Variants in HDAC6 observed in about 807,000 individuals in gnomAD.
HDAC6 encodes the protein histone deacetylase 6, also known as protein deacetylase HDAC6.
HDAC6 carries 5 observed loss-of-function variants against 88.9 expected under a neutral mutation model. That is an observed-to-expected ratio of 0.06 (90% CI 0.03 to 0.12). The LOEUF (loss-of-function observed/expected upper bound fraction) is 0.12. HDAC6 is among the 10% of genes least tolerant of loss of function. The probability of loss-of-function intolerance (pLI) is 1.00; values close to 1 mark genes in which losing one functional copy is unlikely to be tolerated. For missense variants in HDAC6, 706 were observed against 1,014.4 expected (o/e 0.70, Z 4.13); for synonymous variants, 378 against 398.0 (o/e 0.95, Z 0.60).
chrX:48,809,629 C>T (rs1286675543), intron 10 of HDAC6, among the ~76,000 whole-genome samples: 2 of 109,707 alleles, frequency 1.8e-5, no homozygotes, highest in African/African-American at 6.6e-5. Context: ...GGTGAAACCC[C>T]GTCTCTACAA....
intron 28 of HDAC6, 73 bp from the exon 29 acceptor site, chrX:48,824,471 G>C: frequency 9.3e-7 from 1 of 1,078,267 alleles, no homozygotes; most frequent in Non-Finnish European, 1.3e-6. Flanking sequence ...GGGCTGGAGT[G>C]GGGGCAGCCC....
intron 10 of HDAC6, chrX:48,810,632 A>C (rs2062887792): frequency 9.3e-6 from 1 of 107,859 alleles, no homozygotes; most frequent in Non-Finnish European, 1.9e-5. Flanking sequence ...TTTTTGAGAC[A>C]AGGTCTTGCT....
intron 3 of HDAC6, 61 bp downstream of exon 3, chrX:48,803,060 C>A: frequency 8.3e-7 from 1 of 1,201,418 alleles, no homozygotes; most frequent in Non-Finnish European, 1.1e-6. Flanking sequence ...AGGTTCCCCA[C>A]CCTGGACAGT....
At chrX:48,806,213 G>A in intron 6 of HDAC6, 155 bp from the exon 7 acceptor site, 2 of 447,415 alleles carry the variant, frequency 4.5e-6, no homozygotes, top group Middle Eastern at 6.3e-4. Context: ...ACTGAGGCGG[G>A]CTAGGGAAGA....
chrX:48,802,147 C>G lies in HDAC6; in HGVS notation c.-31+5C>G. ...CGGGATCTGGCGGAGTGGAAGGTACCGGTCCGGCCCGATAAGGGGTGGAGT... is the reference window on the plus strand; with the variant it reads ...CGGGATCTGGCGGAGTGGAAGGTACGGGTCCGGCCCGATAAGGGGTGGAGT... On this transcript the variant is annotated splice_donor_5th_base_variant and intron_variant, in intron 1 of 28. Transcript: ENST00000334136. 1.1e-6 allele frequency: 1 copy of G among 878,990 alleles called. No individual in the cohort carries two copies. The highest frequency in any genetic ancestry group is 5.4e-5 in the Admixed American group (1 of 18,515). The allele number at this position is 878,990 out of a possible 1,213,427, so 72.4% of individuals were successfully genotyped here. A position where few individuals can be genotyped will look rare whatever the true frequency, so the allele number is the denominator to read the frequency against.
Position 48,805,617 on chromosome X carries a change from T to C in HDAC6, c.397-14T>C. 8.4e-7 allele frequency: 1 copy of C among 1,186,491 alleles called. No individual in the cohort carries two copies. The highest frequency in any genetic ancestry group is 1.1e-6 in the Non-Finnish European group (1 of 881,417). On this transcript the variant is annotated splice_polypyrimidine_tract_variant and intron_variant, in intron 5 of 28. Transcript: ENST00000334136. The stretch of plus-strand genomic sequence containing the variant: ...TTAACCCTTTACCCCACTTTATTCC[T>C]CATCTCTCCCCAGGCCCGGTTTGCT...
chrX:48,810,149 C>T (rs1252672537), intron 10 of HDAC6, among the ~76,000 whole-genome samples: 1 of 109,068 alleles, frequency 9.2e-6, no homozygotes, highest in African/African-American at 3.4e-5. Flanking sequence ...GATCATAGCC[C>T]ACTGTAACCT....
At chrX:48,810,694 GACC>G (rs2062888949) in intron 10 of HDAC6, 1 of 106,685 alleles carries the variant, frequency 9.4e-6, no homozygotes, top group Non-Finnish European at 1.9e-5. Context: ...CTGCAGCCTC[GACC>G]TCCCGGGCTC....
At chrX:48,805,743 T>C in intron 6 of HDAC6, 72 bp downstream of exon 6, 1 of 883,399 alleles carries the variant, frequency 1.1e-6, no homozygotes, top group East Asian at 3.4e-5. Flanking sequence ...CTAAACGCTT[T>C]GGGAAGCAAT....
intron 23 of HDAC6, among the ~76,000 whole-genome samples, chrX:48,821,546 A>AG (rs1227456285): frequency 3.4e-5 from 3 of 88,793 alleles, no homozygotes; most frequent in African/African-American, 1.3e-4. Flanking sequence ...CGTGTCACCC[A>AG]GGCTGGAGTG....
chrX:48,809,168 A>G (rs1226794547), intron 10 of HDAC6, among the ~76,000 whole-genome samples: 4 of 111,723 alleles, frequency 3.6e-5, no homozygotes, highest in Non-Finnish European at 7.5e-5. Flanking sequence ...CTCTGAGTCT[A>G]TCTGTAGGAT....
intron 6 of HDAC6, 29 bp from the exon 7 acceptor site, chrX:48,806,339 C>G (rs1557024270): frequency 1.0e-6 from 1 of 977,472 alleles, no homozygotes; most frequent in Admixed American, 2.2e-5. Context: ...GAGACAGGGC[C>G]CTGAATCTCA....
chrX:48,802,161 A>T lies in HDAC6; in HGVS notation c.-31+19A>T. On this transcript the variant is annotated intron_variant, in intron 1 of 28. Coordinates refer to ENST00000334136, the MANE Select transcript of HDAC6 (RefSeq NM_006044.4). ...GTGGAAGGTACCGGTCCGGCCCGAT[A>T]AGGGGTGGAGTTAAGTGAATCGTTA... The T allele has an allele frequency of 1.1e-6, 1 of 881,533 alleles. No individual in the cohort carries two copies. The highest frequency in any genetic ancestry group is 2.7e-5 in the South Asian group (1 of 37,092). The allele number at this position is 881,533 out of a possible 1,213,427, so 72.6% of individuals were successfully genotyped here. A position where few individuals can be genotyped will look rare whatever the true frequency, so the allele number is the denominator to read the frequency against.
chrX:48,821,299 C>T (rs1183488268), intron 23 of HDAC6, among the ~76,000 whole-genome samples: 7 of 106,639 alleles, frequency 6.6e-5, no homozygotes, highest in Non-Finnish European at 1.3e-4. Flanking sequence ...TCAAGCAGTT[C>T]TCTGCCTCAG....
chrX:48,806,103 A>G, intron 6 of HDAC6: 3 of 367,851 alleles, frequency 8.2e-6, no homozygotes, highest in Non-Finnish European at 1.4e-5. Flanking sequence ...GAAGAGGGTG[A>G]CTGAGGGAAG....
At chrX:48,820,323 G>T in intron 23 of HDAC6, 68 bp downstream of exon 23, 3 of 983,527 alleles carry the variant, frequency 3.1e-6, no homozygotes, top group Non-Finnish European at 4.1e-6. Flanking sequence ...CCATCACTCA[G>T]GACAGTTTCC....
Position 48,823,456 on chromosome X carries a change from C to T in HDAC6, c.3057C>T (p.Ile1019=). The stretch of plus-strand genomic sequence containing the variant: ...AGGCTCCAGGGGGCACCGAGCTGAT[C>T]CAAACTCCTCTAGCCTCGAGCACAG... The part of the protein sequence containing the change: ...SEEAPGGTEL[I]QTPLASSTDH... The change falls in exon 25 of 29, where the codon ATC becomes ATT. Residue 1019 remains isoleucine, a synonymous_variant. Transcript: ENST00000334136. The T allele has an allele frequency of 8.3e-7, 1 of 1,211,025 alleles. No individual in the cohort carries two copies. Among genetic ancestry groups the T allele is most frequent in the East Asian group, 3.0e-5 (1 of 33,841 alleles).
chrX:48,807,804 AC>A (rs1409464502), intron 8 of HDAC6, among the ~76,000 whole-genome samples: 1 of 111,786 alleles, frequency 8.9e-6, no homozygotes, highest in Non-Finnish European at 1.9e-5. Flanking sequence ...GAGCCACCGC[AC>A]CCGGCCTTTA....
chrX:48,801,763 G>A, upstream of HDAC6: 1 of 785,224 alleles, frequency 1.3e-6, no homozygotes, highest in Non-Finnish European at 1.7e-6. Flanking sequence ...TGTGGCTCGC[G>A]CGAGGGGCGC....
Sources: allele counts gnomAD v4.1 joint callset (sites outside exome capture counted in the v4.1 genomes callset), GRCh38; gene constraint gnomAD v4.1.1; transcripts MANE v1.5; gene names NCBI Gene and HGNC (gene_info 2026-07-23, HGNC 2026-07-21).